The following AHNAK2 variants were observed in gnomAD, a reference collection of about 807,000 sequenced individuals.
The protein encoded by AHNAK2 is AHNAK nucleoprotein 2.
Under a neutral mutation model 30.7 loss-of-function variants are expected in AHNAK2, and 18 were observed. That is an observed-to-expected ratio of 0.59 (90% CI 0.41 to 0.87). AHNAK2 has a LOEUF of 0.87. Ranked by LOEUF, AHNAK2 falls within the 40% of genes least tolerant of loss-of-function variation. The probability of loss-of-function intolerance (pLI) is 0.00; values close to 1 mark genes in which losing one functional copy is unlikely to be tolerated. For synonymous variants in AHNAK2, 3,590 were observed against 3,073.8 expected (o/e 1.17, Z -5.56); for missense variants, 8,604 against 7,373.0 (o/e 1.17, Z -6.11).
At position 104,938,880 on chromosome 14, in the gene AHNAK2, T is replaced by G; in HGVS notation, c.16571A>C (p.Lys5524Thr). The change falls in exon 7 of 7, where the codon AAA (lysine) becomes ACA (threonine). Residue 5524 changes from lysine to threonine, a missense_variant. Coordinates refer to ENST00000333244, the MANE Select transcript of AHNAK2 (RefSeq NM_138420.4). ...PSYGFSLLKV[K>T]IPEPHTQARV... is the part of the protein sequence containing the mutation. The stretch of plus-strand genomic sequence containing the variant: ...AGCCTGCGTGTGGGGCTCTGGGATT[T>G]TCACTTTTAATAAGGAAAATCCGTA... 6.2e-7 allele frequency: 1 copy of G among 1,613,800 alleles called. No individual in the cohort carries two copies.
chr14:104,954,748 C>T lies in AHNAK2; in HGVS notation c.703G>A (p.Gly235Arg), dbSNP rs1197634844. 1.9e-6 allele frequency: 3 copies of T among 1,601,822 alleles called. No homozygotes were observed. The highest frequency in any genetic ancestry group is 1.1e-5 in the South Asian group (1 of 90,072). Reference sequence around the variant, plus strand: ...ATGAGTCTCTCTTGGTCCCCATCTCCTTCCAGAGTTTTCGTGGGGGTCTCT... The same window carrying T: ...ATGAGTCTCTCTTGGTCCCCATCTCTTTCCAGAGTTTTCGTGGGGGTCTCT... ...CRETPTKTLE[G>R]DGDQERLISK... The change falls in exon 7 of 7, where the codon GGA becomes AGA. Residue 235 changes from glycine (G) to arginine (R), a missense_variant. Physicochemically the swap from Gly to Arg is moderately radical, Grantham distance 125. Coordinates refer to ENST00000333244, the MANE Select transcript of AHNAK2 (RefSeq NM_138420.4). This position sits in a 1 kb window ranked among gnomAD's most constrained non-coding sequence, Gnocchi z 4.3.
At position 104,938,722 on chromosome 14, in the gene AHNAK2, T is replaced by G; in HGVS notation, c.16729A>C (p.Ile5577Leu). Residue 5577 changes from isoleucine to leucine, a missense_variant, in exon 7 of 7, where the codon ATC (isoleucine) becomes CTC (leucine). Coordinates refer to ENST00000333244, the MANE Select transcript of AHNAK2 (RefSeq NM_138420.4). Reference sequence around the variant, plus strand: ...CCCAGTACATTGACGCTGGAAGAGATCATCTCAAATGGTTCTCCAGTGTCA... The same window carrying G: ...CCCAGTACATTGACGCTGGAAGAGAGCATCTCAAATGGTTCTCCAGTGTCA... ...QPDTGEPFEM[I>L]SSSVNVLGQQ... 1 of 1,613,636 alleles carries G rather than the reference T, an allele frequency of 6.2e-7. No homozygotes were observed. The highest frequency in any genetic ancestry group is 8.5e-7 in the Non-Finnish European group (1 of 1,179,822).
At chr14:104,955,668 T>C (rs1257027797) in intron 4 of AHNAK2, 35 bp from the exon 5 acceptor site, 4 of 1,600,540 alleles carry the variant, frequency 2.5e-6, no homozygotes, top group East Asian at 2.2e-5. Context: ...ATGGTGAGCA[T>C]GTGCCAGTCC....
At position 104,946,727 on chromosome 14, in the gene AHNAK2, T is replaced by C. The variant is rs1898294296; in HGVS notation, c.8724A>G (p.Lys2908=). 1 of 1,612,310 alleles carries C rather than the reference T, an allele frequency of 6.2e-7. No homozygotes were observed. The highest frequency in any genetic ancestry group is 8.5e-7 in the Non-Finnish European group (1 of 1,179,402). ...KVQMPSFKMP[K]VDLKGPQIDV... is the part of the protein sequence containing the mutation. ...CTATCTGGGGGCCCTTGAGATCCAC[T>C]TTGGGCATCTTGAAACTGGGCATCT... Residue 2908 remains lysine, a synonymous_variant, in exon 7 of 7, where the codon AAA becomes AAG. Transcript: ENST00000333244.
In AHNAK2 at chr14:104,951,021, T is replaced by C. The variant is rs75990247; in HGVS notation, c.4430A>G (p.Glu1477Gly). 3,409 of 1,060,536 alleles carry C rather than the reference T, an allele frequency of 3.2e-3. 798 individuals are homozygous for C. The African/African-American group carries it at 0.033, about 10-fold the overall frequency. 65.7% of individuals were successfully genotyped at this position (1,060,536 alleles called of 1,614,324 possible). A position where few individuals can be genotyped will look rare whatever the true frequency, so the allele number is the denominator to read the frequency against. Reference protein sequence around the residue: ...GAKLDGGRLEEDMSLADKDLT... With the variant: ...GAKLDGGRLEGDMSLADKDLT... ...GTCCTTGTCGGCCAGGGACATGTCCTCCTCCAGCCGTCCACCATCCAGCTT... is the reference window on the plus strand; with the variant it reads ...GTCCTTGTCGGCCAGGGACATGTCCCCCTCCAGCCGTCCACCATCCAGCTT... The change falls in exon 7 of 7, where the codon GAG (glutamate) becomes GGG (glycine). Residue 1477 changes from glutamate to glycine, a missense_variant. By Grantham distance (98) the Glu-to-Gly change is moderately conservative. Transcript: ENST00000333244.
chr14:104,953,126 G>C lies in AHNAK2; in HGVS notation c.2325C>G (p.Gly775=), dbSNP rs1273571765. Residue 775 remains glycine, a synonymous_variant, in exon 7 of 7, where the codon GGC becomes GGG. Transcript: ENST00000333244. ...SLKMPKVDLK[G]PKLDLKGPKA... ...TGGGGCCTTTCAGGTCCAGCTTGGG[G>C]CCCTTGAGGTCCACTTTGGGCATCT... 1.2e-6 allele frequency: 2 copies of C among 1,613,206 alleles called. No individual in the cohort carries two copies. Among genetic ancestry groups the C allele is most frequent in the East Asian group, 4.5e-5 (2 of 44,828 alleles).
intron 1 of AHNAK2, among the ~76,000 whole-genome samples, chr14:104,975,775 C>T (rs1899574936): frequency 1.3e-5 from 2 of 152,350 alleles, no homozygotes; most frequent in South Asian, 4.1e-4. Context: ...CGCGCTGTCA[C>T]TCGGCATCCC....
At position 104,953,129 on chromosome 14, in the gene AHNAK2, C is replaced by A; in HGVS notation, c.2322G>T (p.Lys774Asn). 6.2e-7 allele frequency: 1 copy of A among 1,613,306 alleles called. No homozygotes were observed. The highest frequency in any genetic ancestry group is 1.1e-5 in the South Asian group (1 of 91,060). ...PSLKMPKVDLKGPKLDLKGPK... is the reference protein window; with the variant it reads ...PSLKMPKVDLNGPKLDLKGPK... ...GGCCTTTCAGGTCCAGCTTGGGGCC[C>A]TTGAGGTCCACTTTGGGCATCTTCA... is the stretch of plus-strand genomic sequence containing the variant. Residue 774 changes from lysine to asparagine, a missense_variant, in exon 7 of 7, where the codon AAG becomes AAT. Physicochemically the swap from Lys to Asn is moderately conservative, Grantham distance 94. Transcript: ENST00000333244.
At position 104,950,481 on chromosome 14, in the gene AHNAK2, T is replaced by C. The variant is rs201246713; in HGVS notation, c.4970A>G (p.Lys1657Arg). Reference protein sequence around the residue: ...ADKAVTAKDSKFKMPKFKMPS... With the variant: ...ADKAVTAKDSRFKMPKFKMPS... ...CATCTTGAACTTGGGCATTTTGAAC[T>C]TGCTGTCTTTGGCAGTCACCGCCTT... The change falls in exon 7 of 7, where the codon AAG becomes AGG. Residue 1657 changes from lysine (K) to arginine (R), a missense_variant. Lys to Arg is a conservative substitution (Grantham distance 26). Transcript: ENST00000333244. 1,352 of 1,583,890 alleles carry C rather than the reference T, an allele frequency of 8.5e-4. 189 individuals are homozygous for C. Among genetic ancestry groups the C allele is most frequent in the African/African-American group, 2.4e-3 (170 of 72,094 alleles).
chr14:104,951,940 G>T lies in AHNAK2; in HGVS notation c.3511C>A (p.Pro1171Thr), dbSNP rs768415611. The T allele has an allele frequency of 1.2e-6, 2 of 1,611,100 alleles. No homozygotes were observed. The highest frequency in any genetic ancestry group is 1.7e-6 in the Non-Finnish European group (2 of 1,178,972). ...SRFKMPKFKM[P>T]SFGASAPGKS... ...CCTGGGGCTGACGCCCCGAACGATGGCATCTTGAACTTGGGCATTTTGAAC... is the reference window on the plus strand; with the variant it reads ...CCTGGGGCTGACGCCCCGAACGATGTCATCTTGAACTTGGGCATTTTGAAC... The change falls in exon 7 of 7, where the codon CCA (proline) becomes ACA (threonine). Residue 1171 changes from proline (P) to threonine (T), a missense_variant. Pro to Thr is a conservative substitution (Grantham distance 38). Transcript: ENST00000333244.
In AHNAK2 at chr14:104,957,438, G is replaced by A. The variant is rs763609118; in HGVS notation, c.185C>T (p.Thr62Met). 2.3e-5 allele frequency: 37 copies of A among 1,594,782 alleles called. No individual in the cohort carries two copies. The highest frequency in any genetic ancestry group is 2.6e-5 in the Non-Finnish European group (30 of 1,166,056). Residue 62 changes from threonine (T) to methionine (M), a missense_variant, in exon 3 of 7, where the codon ACG (threonine) becomes ATG (methionine). Thr to Met is a moderately conservative substitution (Grantham distance 81, BLOSUM62 -1). Transcript: ENST00000333244. ...GAGTCCAAAGTCGGCAGCCTCAGTC[G>A]TGTATTCGTAGACAGGTGAAGACCC... Reference protein sequence around the residue: ...PQGSSPVYEYTTEAADFGLQE... With the variant: ...PQGSSPVYEYMTEAADFGLQE...
At position 104,942,362 on chromosome 14, in the gene AHNAK2, A is replaced by C. The variant is rs767574548; in HGVS notation, c.13089T>G (p.Asp4363Glu). 1 of 1,609,132 alleles carries C rather than the reference A, an allele frequency of 6.2e-7. No individual in the cohort carries two copies. Among genetic ancestry groups the C allele is most frequent in the African/African-American group, 1.4e-5 (1 of 73,650 alleles). ...GCACAGGGCCCTCTGGGAGTTTCAC[A>C]TCCTCTTGGCCAGCCTGGACCTCCA... is the stretch of plus-strand genomic sequence containing the variant. ...ADLEVQAGQE[D>E]VKLPEGPVHE... The change falls in exon 7 of 7, where the codon GAT becomes GAG. Residue 4363 changes from aspartate to glutamate, a missense_variant. By Grantham distance (45) the Asp-to-Glu change is conservative (BLOSUM62 2). Coordinates refer to ENST00000333244, the MANE Select transcript of AHNAK2 (RefSeq NM_138420.4).
rs114941034 is a variant in AHNAK2, at chr14:104,961,215, G to A, written c.56-3543C>T. Among the ~76,000 whole-genome samples the A allele has an allele frequency of 3.8e-3, 579 of 151,214 alleles. 6 individuals carry two copies. The highest frequency in any genetic ancestry group is 0.013 in the African/African-American group (547 of 41,288). On this transcript the variant is annotated intron_variant, in intron 1 of 6. Transcript: ENST00000333244. Reference sequence around the variant, plus strand: ...GCATATGACAGGATGGGGATGGAGTGCAAAAGTTGCTGTTGTGGGCCGGGC... The same window carrying A: ...GCATATGACAGGATGGGGATGGAGTACAAAAGTTGCTGTTGTGGGCCGGGC...
At position 104,941,830 on chromosome 14, in the gene AHNAK2, C is replaced by T. The variant is rs771658724; in HGVS notation, c.13621G>A (p.Gly4541Ser). Reference protein sequence around the residue: ...LPEGHMPEVAGLKGHLPKVEM... With the variant: ...LPEGHMPEVASLKGHLPKVEM... ...ACCTTGGGCAGGTGCCCTTTGAGGC[C>T]GGCTACCTCGGGCATGTGGCCTTCT... The change falls in exon 7 of 7, where the codon GGC (glycine) becomes AGC (serine). Residue 4541 changes from glycine (G) to serine (S), a missense_variant. Physicochemically the swap from Gly to Ser is moderately conservative, Grantham distance 56 (BLOSUM62 0). Coordinates refer to ENST00000333244, the MANE Select transcript of AHNAK2 (RefSeq NM_138420.4). 17 of 1,613,156 alleles carry T rather than the reference C, an allele frequency of 1.1e-5. No homozygotes were observed. The highest frequency in any genetic ancestry group is 5.0e-5 in the Admixed American group (3 of 59,950).
In AHNAK2 at chr14:104,939,199, C is replaced by G. The variant is rs368668234; in HGVS notation, c.16252G>C (p.Ala5418Pro). The change falls in exon 7 of 7, where the codon GCC (alanine) becomes CCC (proline). Residue 5418 changes from alanine to proline, a missense_variant. By Grantham distance (27) the Ala-to-Pro change is conservative. Coordinates refer to ENST00000333244, the MANE Select transcript of AHNAK2 (RefSeq NM_138420.4). ...TTACAAAGGGCTGTATCAATATTGG[C>G]CTCTGGACACTGCACTTCCCTCACA... Reference protein sequence around the residue: ...PTVREVQCPEANIDTALCKES... With the variant: ...PTVREVQCPEPNIDTALCKES... 1.7e-5 allele frequency: 27 copies of G among 1,613,768 alleles called. No homozygotes were observed. In the East Asian group the frequency reaches 4.2e-4, roughly 25 times the overall value.
chr14:104,943,777 G>A lies in AHNAK2; in HGVS notation c.11674C>T (p.Pro3892Ser), dbSNP rs1566900940. 1 of 1,612,990 alleles carries A rather than the reference G, an allele frequency of 6.2e-7. No individual in the cohort carries two copies. The highest frequency in any genetic ancestry group is 1.7e-5 in the Admixed American group (1 of 59,918). Residue 3892 changes from proline to serine, a missense_variant, in exon 7 of 7, where the codon CCC becomes TCC. Physicochemically the swap from Pro to Ser is moderately conservative, Grantham distance 74 (BLOSUM62 -1). Coordinates refer to ENST00000333244, the MANE Select transcript of AHNAK2 (RefSeq NM_138420.4). ...TCGACTTTGGGCATCTTGAAACTGG[G>A]CATCTGCACCTTGGGCAGGTGTCCT... ...LKGHLPKVQM[P>S]SFKMPKVDLK...
Position 104,942,531 on chromosome 14 carries a change from G to A in AHNAK2, c.12920C>T (p.Ser4307Leu), listed in dbSNP as rs368204450. The A allele has an allele frequency of 1.4e-5, 23 of 1,612,854 alleles. No individual in the cohort carries two copies. The highest frequency in any genetic ancestry group is 1.6e-4 in the Middle Eastern group (1 of 6,070). ...KFKMPKFKMP[S>L]FGVSAPGKSI... is the part of the protein sequence containing the mutation. The stretch of plus-strand genomic sequence containing the variant: ...CTTGCCTGGGGCAGACACCCCGAAC[G>A]ACGGCATCTTGAACTTGGGCATTTT... Residue 4307 changes from serine to leucine, a missense_variant, in exon 7 of 7, where the codon TCG becomes TTG. Transcript: ENST00000333244.
In AHNAK2 at chr14:104,947,499, G is replaced by A. The variant is rs1898353185; in HGVS notation, c.7952C>T (p.Pro2651Leu). 1 of 1,612,654 alleles carries A rather than the reference G, an allele frequency of 6.2e-7. No individual in the cohort carries two copies. Among genetic ancestry groups the A allele is most frequent in the Non-Finnish European group, 8.5e-7 (1 of 1,179,660 alleles). ...VTAKDSKFKM[P>L]KFKMPSFRVS... ...CCTGAATGATGGCATCTTGAACTTG[G>A]GCATTTTGAACTTGCTATCTTTGGC... The change falls in exon 7 of 7, where the codon CCC becomes CTC. Residue 2651 changes from proline (P) to leucine (L), a missense_variant. By Grantham distance (98) the Pro-to-Leu change is moderately conservative. Transcript: ENST00000333244.
Position 104,953,717 on chromosome 14 carries a change from T to A in AHNAK2, c.1734A>T (p.Gly578=). 6.2e-7 allele frequency: 1 copy of A among 1,613,980 alleles called. No homozygotes were observed. The highest frequency in any genetic ancestry group is 1.3e-5 in the African/African-American group (1 of 75,042). ...TCTTGAACTTGGGCATTCTTATCTGTCCTTCTGTGTCTTCCCTGCCCTTGT... is the reference window on the plus strand; with the variant it reads ...TCTTGAACTTGGGCATTCTTATCTGACCTTCTGTGTCTTCCCTGCCCTTGT... ...EQDKGREDTE[G]QIRMPKFKIP... is the part of the protein sequence containing the mutation. Residue 578 remains glycine (G), a synonymous_variant, in exon 7 of 7, where the codon GGA becomes GGT. Transcript: ENST00000333244.
Sources: gnomAD v4.1 joint callset for allele counts (sites outside exome capture counted in the v4.1 genomes callset) on GRCh38, gnomAD v4.1.1 for gene constraint, Gnocchi (gnomAD v3.1) non-coding constraint, MANE v1.5 for transcripts, NCBI Gene and HGNC (gene_info 2026-07-23, HGNC 2026-07-21) for gene names.